UNC5C: variants seen among roughly 807,000 people sequenced by gnomAD.
UNC5C encodes the protein netrin receptor UNC5C.
In UNC5C, 47 loss-of-function variants were observed where a neutral mutation model predicts 99.8. The observed-to-expected ratio is 0.47, with a 90% CI of 0.37 to 0.60. The LOEUF is 0.60. Ranked by LOEUF, UNC5C falls within the 20% of genes least tolerant of loss-of-function variation. The probability of loss-of-function intolerance (pLI) is 0.00; values close to 1 mark genes in which losing one functional copy is unlikely to be tolerated. For missense variants in UNC5C, 1,062 were observed against 1,165.9 expected (o/e 0.91, Z 1.30); for synonymous variants, 487 against 452.2 (o/e 1.08, Z -0.98).
chr4:95,188,461 G>C (rs183116020), intron 12 of UNC5C, among the ~76,000 whole-genome samples: 1 of 152,176 alleles, frequency 6.6e-6, no homozygotes, highest in African/African-American at 2.4e-5. Flanking sequence ...CACATACGGC[G>C]AATCTCAAAT....
At chr4:95,241,025 A>C (rs1739312092) in intron 7 of UNC5C, among the ~76,000 whole-genome samples, 1 of 152,246 alleles carries the variant, frequency 6.6e-6, no homozygotes, top group Non-Finnish European at 1.5e-5. Context: ...AAAGATAGAA[A>C]AAGTCCAACT....
At position 95,250,580 on chromosome 4, in the gene UNC5C, G is replaced by C; in HGVS notation, c.682C>G (p.Gln228Glu). The change falls in exon 5 of 16, where the codon CAG becomes GAG. Residue 228 changes from glutamine to glutamate, a missense_variant. By Grantham distance (29) the Gln-to-Glu change is conservative. Around this residue, in one of 3 missense-constraint regions of UNC5C, gnomAD observed 249 missense variants for 295.1 expected, o/e 0.84. Transcript: ENST00000453304. ...ITIDHNLIIK[Q>E]ARLSDTANYT... ...TTTGCAGTATCAGAGAGTCGGGCCT[G>C]CTTTATGATGAGGTTGTGATCAATA... is the stretch of plus-strand genomic sequence containing the variant. 6.2e-7 allele frequency: 1 copy of C among 1,613,982 alleles called. No individual in the cohort carries two copies. The highest frequency in any genetic ancestry group is 1.1e-5 in the South Asian group (1 of 91,076).
intron 3 of UNC5C, among the ~76,000 whole-genome samples, chr4:95,280,968 C>T (rs1465681841): frequency 6.6e-6 from 1 of 152,214 alleles, no homozygotes; most frequent in African/African-American, 2.4e-5. Context: ...GGTGGCTTCT[C>T]TTGTTTTTTT....
At chr4:95,211,535 T>G (rs2149364264) in intron 10 of UNC5C, among the ~76,000 whole-genome samples, 1 of 152,330 alleles carries the variant, frequency 6.6e-6, no homozygotes, top group East Asian at 1.9e-4. Flanking sequence ...ATGTCTTCTT[T>G]ATGAGGAACC....
intron 1 of UNC5C, among the ~76,000 whole-genome samples, chr4:95,381,902 G>T (rs1450427111): frequency 6.6e-6 from 1 of 152,102 alleles, no homozygotes; most frequent in Non-Finnish European, 1.5e-5. Flanking sequence ...CTGGAATGCA[G>T]GTATAGGTGT....
intron 14 of UNC5C, among the ~76,000 whole-genome samples, chr4:95,181,129 A>G (rs1736595403): frequency 6.6e-6 from 1 of 152,016 alleles, no homozygotes; most frequent in Admixed American, 6.6e-5. Flanking sequence ...TAATCCCCCA[A>G]AGTCATCTTG....
intron 1 of UNC5C, among the ~76,000 whole-genome samples, chr4:95,448,236 G>GAGAGAGAGAGAGAGAGAGAC: frequency 6.8e-6 from 1 of 145,996 alleles, no homozygotes; most frequent in African/African-American, 2.5e-5. Context: ...GTGAGAGAGA[G>GAGAGAGAGAGAGAGAGAGAC]AGAGAGAGAG....
intron 4 of UNC5C, among the ~76,000 whole-genome samples, chr4:95,274,278 C>G (rs536620102): frequency 6.6e-5 from 10 of 152,018 alleles, no homozygotes; most frequent in Non-Finnish European, 1.0e-4. Flanking sequence ...GTCCCTCACC[C>G]GCAGGCCCTG....
chr4:95,450,877 G>A (rs1032827667), intron 1 of UNC5C, among the ~76,000 whole-genome samples: 1 of 152,082 alleles, frequency 6.6e-6, no homozygotes, highest in African/African-American at 2.4e-5. Flanking sequence ...GGTCTGGGGC[G>A]AATGAAGACC....
intron 2 of UNC5C, 61 bp from the exon 3 acceptor site, chr4:95,301,810 C>CA (rs1741893156): frequency 7.1e-6 from 11 of 1,554,806 alleles, no homozygotes; most frequent in Admixed American, 3.7e-5. Context: ...AAATATAAAC[C>CA]ATCACATCAT....
chr4:95,342,756 G>A (rs1743624797), intron 1 of UNC5C, among the ~76,000 whole-genome samples: 1 of 152,036 alleles, frequency 6.6e-6, no homozygotes, highest in Admixed American at 6.6e-5. Flanking sequence ...TTGGCTCTTG[G>A]ATGGCATTTC....
intron 7 of UNC5C, among the ~76,000 whole-genome samples, chr4:95,225,557 A>C (rs975411443): frequency 6.6e-6 from 1 of 152,182 alleles, no homozygotes; most frequent in African/African-American, 2.4e-5. Flanking sequence ...AAGTGTTTGC[A>C]TTTGAGGTTG....
chr4:95,185,280 T>C (rs1309402915), intron 12 of UNC5C, 84 bp from the exon 13 acceptor site: 18 of 1,491,344 alleles, frequency 1.2e-5, no homozygotes, highest in Non-Finnish European at 1.6e-5. Context: ...GTTTCTTTAC[T>C]GCCTCCTGAA....
Position 95,202,871 on chromosome 4 carries a change from T to C in UNC5C, c.1996A>G (p.Thr666Ala). Residue 666 changes from threonine (T) to alanine (A), a missense_variant, in exon 12 of 16, where the codon ACC becomes GCC. Thr to Ala is a moderately conservative substitution (Grantham distance 58, BLOSUM62 0). Around this residue, in one of 3 missense-constraint regions of UNC5C, gnomAD observed 810 missense variants for 854.5 expected, o/e 0.95. Coordinates refer to ENST00000453304, the MANE Select transcript of UNC5C (RefSeq NM_003728.4). ...GTGGAATGTCCTACCAGGGCGTAGG[T>C]GCTGAGGTTCTCTGTGAGGATGTGG... ...ACHILTENLS[T>A]YALVGHSTTK... 3 of 1,614,174 alleles carry C rather than the reference T, an allele frequency of 1.9e-6. No individual in the cohort carries two copies. Among genetic ancestry groups the C allele is most frequent in the Non-Finnish European group, 2.5e-6 (3 of 1,180,030 alleles).
intron 1 of UNC5C, among the ~76,000 whole-genome samples, chr4:95,426,744 C>T (rs1746499381): frequency 6.6e-6 from 1 of 152,150 alleles, no homozygotes; most frequent in Admixed American, 6.5e-5. Flanking sequence ...TAAGCAAAAG[C>T]CTAATCTAAA....
intron 1 of UNC5C, among the ~76,000 whole-genome samples, chr4:95,538,187 T>C (rs1461595926): frequency 6.6e-6 from 1 of 152,206 alleles, no homozygotes; most frequent in Non-Finnish European, 1.5e-5. Flanking sequence ...GGAAAAAAAT[T>C]ATAGAACTGC....
At chr4:95,306,453 C>T (rs1487164318) in intron 2 of UNC5C, among the ~76,000 whole-genome samples, 2 of 152,120 alleles carry the variant, frequency 1.3e-5, no homozygotes, top group East Asian at 1.9e-4. Flanking sequence ...CCACCCGCCT[C>T]GGCCTCGCAA....
At position 95,185,954 on chromosome 4, in the gene UNC5C, A is replaced by ATAAT. The variant is rs571659489; in HGVS notation, c.2137-762_2137-759dup. Among the ~76,000 whole-genome samples, 517 of 138,482 alleles carry ATAAT rather than the reference A, an allele frequency of 3.7e-3. 2 individuals carry two copies. The highest frequency in any genetic ancestry group is 0.012 in the African/African-American group (489 of 40,062). The allele number at this position is 138,482 out of a possible 152,430, so 90.8% of individuals were successfully genotyped here. ...TGTGGCTGATGAAAAAATTTGCTAC[A>ATAAT]TAATTTTCTTATACTATACAGATAC... On this transcript the variant is annotated intron_variant, in intron 12 of 15. Coordinates refer to ENST00000453304, the MANE Select transcript of UNC5C (RefSeq NM_003728.4).
rs184817661 is a variant in UNC5C at position 95,528,331 on chromosome 4, A to G, written c.124+20403T>C. ...CAGGCTGCTTGTGCTTAACTCTATC[A>G]ATTTTCGCACCCATGGAGATTCATG... On this transcript the variant is annotated intron_variant, in intron 1 of 15. Coordinates refer to ENST00000453304, the MANE Select transcript of UNC5C (RefSeq NM_003728.4). 6.7e-3 allele frequency among the ~76,000 whole-genome samples: 1,022 copies of G among 152,170 alleles called. 13 individuals are homozygous for G. Among genetic ancestry groups the G allele is most frequent in the African/African-American group, 0.023 (974 of 41,512 alleles).
Sources: allele counts gnomAD v4.1 joint callset (sites outside exome capture counted in the v4.1 genomes callset), GRCh38; gene constraint gnomAD v4.1.1; regional missense constraint gnomAD v4.1.1; transcripts MANE v1.5; gene names NCBI Gene and HGNC (gene_info 2026-07-23, HGNC 2026-07-21).